CNTNAP2: variants seen among roughly 807,000 people sequenced by gnomAD.
The protein encoded by CNTNAP2 is contactin-associated protein-like 2.
CNTNAP2 carries 98 observed loss-of-function variants against 155.2 expected under a neutral mutation model. The observed-to-expected ratio is 0.63, with a 90% CI of 0.54 to 0.75. The LOEUF is 0.75. Ranked by LOEUF, CNTNAP2 falls within the 30% of genes least tolerant of loss-of-function variation. CNTNAP2 has a pLI of 0.00. For missense variants in CNTNAP2, 1,727 were observed against 1,688.1 expected, an observed-to-expected ratio of 1.02 and a Z score of -0.40; for synonymous variants, 651 against 631.2, an observed-to-expected ratio of 1.03 and a Z score of -0.47.
chr7:147,689,590 C>T (rs1481602149), intron 13 of CNTNAP2, among the ~76,000 whole-genome samples: 1 of 152,062 alleles, frequency 6.6e-6, no homozygotes, highest in East Asian at 1.9e-4. Flanking sequence ...TTTGTTATTG[C>T]GTTATTATAT....
chr7:147,826,840 T>C (rs1411419451), intron 13 of CNTNAP2, among the ~76,000 whole-genome samples: 1 of 152,164 alleles, frequency 6.6e-6, no homozygotes, highest in African/African-American at 2.4e-5. Flanking sequence ...TGAATTCAGT[T>C]GGTTCTTTTA....
At chr7:147,282,983 A>G (rs1169660927) in intron 8 of CNTNAP2, among the ~76,000 whole-genome samples, 1 of 151,984 alleles carries the variant, frequency 6.6e-6, no homozygotes, top group Non-Finnish European at 1.5e-5. Flanking sequence ...TCACCTTCAA[A>G]AATTTTATGA....
At chr7:147,006,740 G>C (rs1204680293) in intron 3 of CNTNAP2, among the ~76,000 whole-genome samples, 1 of 151,906 alleles carries the variant, frequency 6.6e-6, no homozygotes, top group Non-Finnish European at 1.5e-5. Context: ...CTTCCTTTTA[G>C]ACTGTGAGAA....
chr7:146,924,593 A>G lies in CNTNAP2; in HGVS notation c.402+84689A>G, dbSNP rs578212218. On this transcript the variant is annotated intron_variant, in intron 3 of 23. Transcript: ENST00000361727. ...GAAAGACCTTTGAGGGCCAGCCACTATTACTAAAGAAAAAAGTATAAGGTG... is the reference window on the plus strand; with the variant it reads ...GAAAGACCTTTGAGGGCCAGCCACTGTTACTAAAGAAAAAAGTATAAGGTG... 1.1e-4 allele frequency among the ~76,000 whole-genome samples: 17 copies of G among 152,216 alleles called. 1 individual carries two copies. The highest frequency in any genetic ancestry group is 1.8e-4 in the Non-Finnish European group (12 of 67,998).
chr7:146,962,609 G>T (rs1797577157), intron 3 of CNTNAP2, among the ~76,000 whole-genome samples: 1 of 152,170 alleles, frequency 6.6e-6, no homozygotes, highest in African/African-American at 2.4e-5. Flanking sequence ...GGAGTGCAGT[G>T]GCACGATCTT....
At chr7:147,738,461 C>T (rs897401657) in intron 13 of CNTNAP2, among the ~76,000 whole-genome samples, 60 of 152,076 alleles carry the variant, frequency 3.9e-4, no homozygotes, top group African/African-American at 1.4e-3. Flanking sequence ...CAACAACTGC[C>T]CTCATCAATT....
At chr7:146,889,489 A>G (rs1268012720) in intron 3 of CNTNAP2, among the ~76,000 whole-genome samples, 3 of 152,082 alleles carry the variant, frequency 2.0e-5, no homozygotes, top group Non-Finnish European at 4.4e-5. Flanking sequence ...TCTTCCCAAT[A>G]CTAAGCTGTA....
At chr7:146,946,094 C>CTTCT (rs1191832580) in intron 3 of CNTNAP2, among the ~76,000 whole-genome samples, 5 of 147,738 alleles carry the variant, frequency 3.4e-5, no homozygotes, top group Non-Finnish European at 7.5e-5. Flanking sequence ...TCCTTCCTTC[C>CTTCT]TTTCCTTCTT....
At chr7:147,017,188 G>A (rs536135497) in intron 3 of CNTNAP2, among the ~76,000 whole-genome samples, 5 of 150,132 alleles carry the variant, frequency 3.3e-5, no homozygotes, top group African/African-American at 4.9e-5. Context: ...TTTTTCTCAC[G>A]TCTTTTCCCA....
intron 1 of CNTNAP2, among the ~76,000 whole-genome samples, chr7:146,208,399 CTAAT>C (rs1180400230): frequency 6.6e-6 from 1 of 151,774 alleles, no homozygotes; most frequent in African/African-American, 2.4e-5. Context: ...TTTTAAAAGA[CTAAT>C]TATTTATAGT....
intron 1 of CNTNAP2, among the ~76,000 whole-genome samples, chr7:146,303,569 T>C (rs924453247): frequency 6.6e-6 from 1 of 152,148 alleles, no homozygotes; most frequent in African/African-American, 2.4e-5. Flanking sequence ...TTCCATGTAG[T>C]TGAGCAGTTT....
At chr7:146,697,366 T>G (rs1291004565) in intron 1 of CNTNAP2, among the ~76,000 whole-genome samples, 1 of 152,014 alleles carries the variant, frequency 6.6e-6, no homozygotes, top group Non-Finnish European at 1.5e-5. Flanking sequence ...GCCTCCTGAG[T>G]AGCTGGAACT....
intron 19 of CNTNAP2, among the ~76,000 whole-genome samples, chr7:148,227,118 CA>C (rs1248601324): frequency 6.6e-6 from 1 of 152,106 alleles, no homozygotes; most frequent in East Asian, 1.9e-4. Flanking sequence ...TAAGGTGCCC[CA>C]AAACGAGGGG....
chr7:146,901,800 T>A (rs1796007499), intron 3 of CNTNAP2, among the ~76,000 whole-genome samples: 1 of 151,654 alleles, frequency 6.6e-6, no homozygotes, highest in Non-Finnish European at 1.5e-5. Flanking sequence ...CTACTTTTAC[T>A]AATGTGAACT....
At chr7:147,026,446 C>T (rs557210659) in intron 3 of CNTNAP2, among the ~76,000 whole-genome samples, 3 of 152,096 alleles carry the variant, frequency 2.0e-5, no homozygotes, top group South Asian at 4.1e-4. Flanking sequence ...CTTTTTCCAT[C>T]GATTTAATTT....
chr7:147,495,994 G>A (rs527718198), intron 11 of CNTNAP2, among the ~76,000 whole-genome samples: 10 of 152,234 alleles, frequency 6.6e-5, no homozygotes, highest in East Asian at 1.9e-4. Flanking sequence ...CTGTGCATGC[G>A]AGGGATGTAG....
At chr7:147,371,940 T>A (rs576255981) in intron 9 of CNTNAP2, among the ~76,000 whole-genome samples, 2 of 152,216 alleles carry the variant, frequency 1.3e-5, no homozygotes, top group East Asian at 3.9e-4. Flanking sequence ...CAAGGTGATG[T>A]AAACACTGTC....
chr7:148,208,154 A>G (rs2116741035), intron 18 of CNTNAP2, among the ~76,000 whole-genome samples: 1 of 152,142 alleles, frequency 6.6e-6, no homozygotes, highest in South Asian at 2.1e-4. Context: ...AACCAGAGGC[A>G]TGACAGAGCT....
At chr7:146,537,599 G>A (rs114987603) in intron 1 of CNTNAP2, among the ~76,000 whole-genome samples, 3,199 of 152,172 alleles carry the variant, frequency 0.021, 113 homozygotes, top group African/African-American at 0.072. Flanking sequence ...TTCTGGTGGG[G>A]AGGCCTTGCG....
Sources: gnomAD v4.1 joint callset for allele counts (sites outside exome capture counted in the v4.1 genomes callset) on GRCh38, gnomAD v4.1.1 for gene constraint, MANE v1.5 for transcripts, NCBI Gene and HGNC (gene_info 2026-07-23, HGNC 2026-07-21) for gene names.